BMP5: variants seen among roughly 807,000 people sequenced by gnomAD.
BMP5 encodes the protein bone morphogenetic protein 5.
In BMP5, 23 loss-of-function variants were observed where a neutral mutation model predicts 46.6. The observed-to-expected ratio is 0.49, with a 90% CI of 0.35 to 0.70. BMP5 has a LOEUF of 0.70. BMP5 is among the 30% of genes least tolerant of loss of function. The pLI is 0.00. For synonymous variants in BMP5, 204 were observed against 191.9 expected (o/e 1.06, Z -0.52); for missense variants, 545 against 565.6 (o/e 0.96, Z 0.37).
chr6:55,771,343 C>A (rs1775041985), intron 4 of BMP5, among the ~76,000 whole-genome samples: 1 of 151,780 alleles, frequency 6.6e-6, no homozygotes, highest in African/African-American at 2.4e-5. Context: ...CAAAGAAATA[C>A]CCTTTGCACT....
chr6:55,754,425 A>G lies in BMP5; in HGVS notation c.*1108T>C, dbSNP rs1774528323. 6.6e-6 allele frequency: 1 copy of G among 151,936 alleles called. No homozygotes were observed. Among genetic ancestry groups the G allele is most frequent in the Non-Finnish European group, 1.5e-5 (1 of 67,934 alleles). 9.4% of individuals were successfully genotyped at this position (151,936 alleles called of 1,614,324 possible). ...CCTTTACAAAATAAGGTTTTCATTG[A>G]GCTCACTCTCAAAGATATGAAAAAT... On this transcript the variant is annotated 3_prime_UTR_variant, in exon 7 of 7. Transcript: ENST00000370830.
intron 6 of BMP5, among the ~76,000 whole-genome samples, chr6:55,758,310 G>A (rs936184377): frequency 4.0e-5 from 6 of 151,798 alleles, no homozygotes; most frequent in Admixed American, 2.0e-4. Flanking sequence ...CTGCCAAATC[G>A]ATAGGCCAGA....
intron 2 of BMP5, among the ~76,000 whole-genome samples, chr6:55,803,753 C>T (rs1387489814): frequency 6.6e-6 from 1 of 152,186 alleles, no homozygotes. Context: ...TTGTGGAATT[C>T]ATGGTGAAGC....
At chr6:55,777,918 A>G (rs1209283321) in intron 3 of BMP5, among the ~76,000 whole-genome samples, 1 of 152,044 alleles carries the variant, frequency 6.6e-6, no homozygotes. Context: ...TGGTGAACAA[A>G]GATTCTCTCT....
At chr6:55,802,010 A>T (rs1397286964) in intron 2 of BMP5, among the ~76,000 whole-genome samples, 1 of 152,214 alleles carries the variant, frequency 6.6e-6, no homozygotes, top group Admixed American at 6.5e-5. Flanking sequence ...AGGAAGCTTT[A>T]TATGATCTAA....
At chr6:55,849,625 A>G (rs139701416) in intron 1 of BMP5, among the ~76,000 whole-genome samples, 1,980 of 152,124 alleles carry the variant, frequency 0.013, 20 homozygotes, top group Non-Finnish European at 0.02. Context: ...TAAAAGGGCT[A>G]GCCAAAATAG....
chr6:55,759,677 A>C (rs1309784432), intron 5 of BMP5, among the ~76,000 whole-genome samples: 1 of 151,884 alleles, frequency 6.6e-6, no homozygotes, highest in Admixed American at 6.6e-5. Context: ...TCTCTTTAGA[A>C]AAAATAAATT....
intron 1 of BMP5, among the ~76,000 whole-genome samples, chr6:55,851,335 T>C (rs1777239937): frequency 6.6e-6 from 1 of 152,184 alleles, no homozygotes; most frequent in South Asian, 2.1e-4. Flanking sequence ...CTTTCAGTCC[T>C]ATGACAATGT....
chr6:55,835,850 A>G (rs1190831015), intron 1 of BMP5, among the ~76,000 whole-genome samples: 1 of 152,226 alleles, frequency 6.6e-6, no homozygotes, highest in Admixed American at 6.5e-5. Context: ...GAAAAGAATT[A>G]CAAACAGTTT....
intron 4 of BMP5, among the ~76,000 whole-genome samples, chr6:55,773,131 A>T (rs1213344475): frequency 2.0e-5 from 3 of 151,942 alleles, no homozygotes; most frequent in African/African-American, 7.2e-5. Flanking sequence ...TTATTAGTTC[A>T]TCCATCATGC....
chr6:55,795,510 T>C (rs1447733468), intron 2 of BMP5, among the ~76,000 whole-genome samples: 5 of 152,128 alleles, frequency 3.3e-5, no homozygotes, highest in Non-Finnish European at 7.4e-5. Flanking sequence ...TTTCTGTCTG[T>C]ATACATCATA....
chr6:55,774,302 G>T, intron 3 of BMP5, 59 bp from the exon 4 acceptor site: 1 of 1,505,502 alleles, frequency 6.6e-7, no homozygotes, highest in Non-Finnish European at 9.2e-7. Flanking sequence ...TACCTGATGT[G>T]AATGAATTCT....
intron 1 of BMP5, among the ~76,000 whole-genome samples, chr6:55,862,179 C>G (rs1316811404): frequency 6.6e-6 from 1 of 152,130 alleles, no homozygotes; most frequent in Non-Finnish European, 1.5e-5. Context: ...TGAACGCTAA[C>G]AACTATGATG....
chr6:55,782,735 T>C (rs1775354564), intron 3 of BMP5, among the ~76,000 whole-genome samples: 2 of 152,104 alleles, frequency 1.3e-5, no homozygotes, highest in East Asian at 1.9e-4. Context: ...ACATTGGGAA[T>C]TGAAAAAGCC....
At chr6:55,814,157 T>G (rs1776201116) in intron 2 of BMP5, among the ~76,000 whole-genome samples, 1 of 152,132 alleles carries the variant, frequency 6.6e-6, no homozygotes, top group African/African-American at 2.4e-5. Flanking sequence ...GATTTATTTT[T>G]CATATATTAA....
At chr6:55,792,743 C>A (rs1350947289) in intron 3 of BMP5, among the ~76,000 whole-genome samples, 1 of 152,034 alleles carries the variant, frequency 6.6e-6, no homozygotes, top group Admixed American at 6.6e-5. Flanking sequence ...CAATAAATCT[C>A]CTTGAAAAAG....
Position 55,875,076 on chromosome 6 carries a change from T to A in BMP5, c.-211A>T. ...GGAATATGTCAAGAGTAGTTATTTC[T>A]AAGAAAGCTGAAACTCAGATTTCCA... On this transcript the variant is annotated 5_prime_UTR_variant, in exon 1 of 7. An upstream open reading frame in the 5' UTR loses its in-frame stop. Coordinates refer to ENST00000370830, the MANE Select transcript of BMP5 (RefSeq NM_021073.4). The A allele has an allele frequency of 1.8e-6, 1 of 541,724 alleles. No individual in the cohort carries two copies. Among genetic ancestry groups the A allele is most frequent in the Non-Finnish European group, 3.2e-6 (1 of 313,464 alleles). The allele number at this position is 541,724 out of a possible 1,614,324, so 33.6% of individuals were successfully genotyped here.
chr6:55,859,913 G>C (rs1423109829), intron 1 of BMP5, among the ~76,000 whole-genome samples: 1 of 152,180 alleles, frequency 6.6e-6, no homozygotes, highest in African/African-American at 2.4e-5. Flanking sequence ...GAAAACATAA[G>C]AACCTATTGA....
intron 2 of BMP5, among the ~76,000 whole-genome samples, chr6:55,814,892 G>A (rs923154448): frequency 2.0e-5 from 3 of 152,196 alleles, no homozygotes; most frequent in African/African-American, 7.2e-5. Flanking sequence ...CACTTTGGGA[G>A]GCTGAGGCGG....
Sources: gnomAD v4.1 joint callset for allele counts (sites outside exome capture counted in the v4.1 genomes callset) on GRCh38, gnomAD v4.1.1 for gene constraint, MANE v1.5 for transcripts, NCBI Gene and HGNC (gene_info 2026-07-23, HGNC 2026-07-21) for gene names.